SETD3: variants seen among roughly 807,000 people sequenced by gnomAD.
SETD3 encodes the protein SET domain containing 3, actin N3(tau)-histidine methyltransferase, also known as actin-histidine N-methyltransferase.
Under a neutral mutation model 63.0 loss-of-function variants are expected in SETD3, and 19 were observed. That is an observed-to-expected ratio of 0.30 (90% CI 0.21 to 0.44). The LOEUF is 0.44. SETD3 is among the 20% of genes least tolerant of loss of function. The pLI is 1.00. For synonymous variants in SETD3, 286 were observed against 264.1 expected (o/e 1.08, Z -0.80); for missense variants, 587 against 728.5 (o/e 0.81, Z 2.24).
intron 6 of SETD3, among the ~76,000 whole-genome samples, chr14:99,442,984 T>C (rs976968727): frequency 1.3e-5 from 2 of 152,214 alleles, no homozygotes; most frequent in Non-Finnish European, 1.5e-5. Flanking sequence ...ACGCTGATGT[T>C]GTGGCACAGA....
chr14:99,447,342 A>C (rs964629408), intron 6 of SETD3, among the ~76,000 whole-genome samples: 1 of 152,258 alleles, frequency 6.6e-6, no homozygotes, highest in Non-Finnish European at 1.5e-5. Context: ...AATGAAGAAC[A>C]CTAAATTCAC....
chr14:99,457,675 C>G (rs139995788), intron 6 of SETD3, among the ~76,000 whole-genome samples: 1 of 152,318 alleles, frequency 6.6e-6, no homozygotes, highest in Non-Finnish European at 1.5e-5. Context: ...GACTGTGGTA[C>G]TGGCCCTGTT....
At chr14:99,435,744 C>CT (rs60698845) in intron 6 of SETD3, among the ~76,000 whole-genome samples, 366 of 130,808 alleles carry the variant, frequency 2.8e-3, no homozygotes, top group African/African-American at 4.4e-3. Context: ...ACCCCCCCAC[C>CT]TTTTTTTTTT....
chr14:99,444,345 T>A (rs1356284495), intron 6 of SETD3: 2 of 152,186 alleles, frequency 1.3e-5, no homozygotes, highest in Admixed American at 6.5e-5. Flanking sequence ...ACTGGAATAA[T>A]ACTGGGAAGA....
intron 6 of SETD3, among the ~76,000 whole-genome samples, chr14:99,452,059 C>A (rs570163875): frequency 6.6e-6 from 1 of 152,284 alleles, no homozygotes; most frequent in South Asian, 2.1e-4. Context: ...AAGCCCCTAC[C>A]ATACACACGA....
Position 99,399,988 on chromosome 14 carries a change from G to T in SETD3, c.1338+111C>A, listed in dbSNP as rs185132298. ...AATTTCTGACCTCGTGATCCGCCCCGCCTCGACCTCCCAAAGTGCTGGGAT... is the reference window on the plus strand; with the variant it reads ...AATTTCTGACCTCGTGATCCGCCCCTCCTCGACCTCCCAAAGTGCTGGGAT... On this transcript the variant is annotated intron_variant, in intron 12 of 12. Coordinates refer to ENST00000331768, the MANE Select transcript of SETD3 (RefSeq NM_032233.3). 2.4e-5 allele frequency: 23 copies of T among 949,952 alleles called. No individual in the cohort carries two copies. In the Admixed American group the frequency reaches 5.0e-4, roughly 21 times the overall value. The allele number at this position is 949,952 out of a possible 1,614,324, so 58.8% of individuals were successfully genotyped here. A position where few individuals can be genotyped will look rare whatever the true frequency, so the allele number is the denominator to read the frequency against.
chr14:99,414,029 A>T, intron 6 of SETD3, 95 bp from the exon 7 acceptor site: 1 of 1,182,364 alleles, frequency 8.5e-7, no homozygotes, highest in Admixed American at 1.8e-5. Flanking sequence ...TGCCTAACAG[A>T]TCCTAACAAG....
At chr14:99,438,923 G>GT (rs1893637226) in intron 6 of SETD3, among the ~76,000 whole-genome samples, 2 of 152,264 alleles carry the variant, frequency 1.3e-5, no homozygotes, top group African/African-American at 4.8e-5. Flanking sequence ...CCAGCTTCAG[G>GT]TTAATTACAT....
upstream of SETD3, chr14:99,480,987 C>G (rs1896286695): frequency 6.5e-6 from 1 of 154,748 alleles, no homozygotes; most frequent in African/African-American, 2.4e-5. Context: ...CGCCACCCAG[C>G]CGGCGTTCCG....
chr14:99,403,066 G>A (rs1301507105), intron 11 of SETD3, among the ~76,000 whole-genome samples: 3 of 152,130 alleles, frequency 2.0e-5, no homozygotes, highest in Admixed American at 6.5e-5. Context: ...TTGAATAACC[G>A]TAAATCTAGC....
intron 1 of SETD3, among the ~76,000 whole-genome samples, chr14:99,478,099 TAATC>T (rs1264371871): frequency 1.2e-4 from 19 of 152,074 alleles, no homozygotes; most frequent in Non-Finnish European, 7.4e-5. Context: ...GATGCACGGC[TAATC>T]AAAAGATTTT....
Position 99,461,327 on chromosome 14 carries a change from A to G in SETD3, c.210T>C (p.Thr70=). ...IRKKQKGLSV[T]FDGKREDYFP... is the part of the protein sequence containing the mutation. ...AGTAATCTTCTCTTTTTCCATCAAA[A>G]GTAACGGACAGACCTATATTAATCC... The change falls in exon 4 of 13, where the codon ACT becomes ACC. Residue 70 remains threonine, a synonymous_variant. Coordinates refer to ENST00000331768, the MANE Select transcript of SETD3 (RefSeq NM_032233.3). 1 of 1,614,114 alleles carries G rather than the reference A, an allele frequency of 6.2e-7. No homozygotes were observed. Among genetic ancestry groups the G allele is most frequent in the East Asian group, 2.2e-5 (1 of 44,886 alleles).
At chr14:99,444,925 C>T (rs1295145801) in intron 6 of SETD3, among the ~76,000 whole-genome samples, 2 of 151,220 alleles carry the variant, frequency 1.3e-5, no homozygotes, top group Admixed American at 6.6e-5. Context: ...CTTGAAAAAA[C>T]GTAAAAATAA....
intron 6 of SETD3, among the ~76,000 whole-genome samples, chr14:99,453,713 C>T (rs946471976): frequency 1.4e-4 from 22 of 151,886 alleles, no homozygotes; most frequent in African/African-American, 5.3e-4. Context: ...GTTATCCCAG[C>T]TACTCAGGAG....
intron 6 of SETD3, among the ~76,000 whole-genome samples, chr14:99,428,247 T>C (rs1892990303): frequency 6.6e-6 from 1 of 152,180 alleles, no homozygotes; most frequent in African/African-American, 2.4e-5. Flanking sequence ...TTGAGAGGTG[T>C]CAGTAAGTTA....
intron 1 of SETD3, among the ~76,000 whole-genome samples, chr14:99,476,358 T>C (rs752409057): frequency 1.3e-5 from 2 of 152,210 alleles, no homozygotes; most frequent in Non-Finnish European, 2.9e-5. Flanking sequence ...AACATACGCA[T>C]GTAAAGGTTT....
At chr14:99,435,563 G>A (rs957549166) in intron 6 of SETD3, among the ~76,000 whole-genome samples, 3 of 152,106 alleles carry the variant, frequency 2.0e-5, no homozygotes, top group Admixed American at 6.5e-5. Context: ...GGCCATCAAC[G>A]TCTTTCACAC....
intron 8 of SETD3, chr14:99,412,443 T>C (rs1332349122): frequency 6.5e-6 from 1 of 153,064 alleles, no homozygotes; most frequent in Non-Finnish European, 1.5e-5. Flanking sequence ...CACAGGTTCA[T>C]AAACATGGCC....
At chr14:99,410,112 G>T in intron 8 of SETD3, 1 of 1,278,276 alleles carries the variant, frequency 7.8e-7, no homozygotes, top group South Asian at 1.2e-5. Context: ...AGGGTGCTCA[G>T]GGCAGCCACG....
Sources: allele counts gnomAD v4.1 joint callset (sites outside exome capture counted in the v4.1 genomes callset), GRCh38; gene constraint gnomAD v4.1.1; transcripts MANE v1.5; gene names NCBI Gene and HGNC (gene_info 2026-07-23, HGNC 2026-07-21).